The following PARP8 variants were observed in gnomAD, a reference collection of about 807,000 sequenced individuals.
PARP8 encodes protein mono-ADP-ribosyltransferase PARP8.
Under a neutral mutation model 124.1 loss-of-function variants are expected in PARP8, and 51 were observed. The observed-to-expected ratio is 0.41, with a 90% CI of 0.33 to 0.52. The LOEUF (loss-of-function observed/expected upper bound fraction) is 0.52. Among genes scored for constraint, PARP8 ranks in the 20% least tolerant of loss-of-function variants. The probability of loss-of-function intolerance (pLI) is 0.21; values close to 1 mark genes in which losing one functional copy is unlikely to be tolerated. For synonymous variants in PARP8, 391 were observed against 361.5 expected, an observed-to-expected ratio of 1.08 and a Z score of -0.93; for missense variants, 860 against 1,018.9, an observed-to-expected ratio of 0.84 and a Z score of 2.12.
intron 2 of PARP8, among the ~76,000 whole-genome samples, chr5:50,687,112 C>T (rs979026615): frequency 6.6e-6 from 1 of 152,146 alleles, no homozygotes; most frequent in Non-Finnish European, 1.5e-5. Flanking sequence ...CTTTTATGCT[C>T]TGCTTCCCTT....
At chr5:50,798,577 C>T (rs538592165) in intron 14 of PARP8, among the ~76,000 whole-genome samples, 43 of 151,996 alleles carry the variant, frequency 2.8e-4, no homozygotes, top group African/African-American at 9.4e-4. Context: ...CCCGCCACCA[C>T]GCCCGGCTGA....
intron 14 of PARP8, among the ~76,000 whole-genome samples, chr5:50,802,005 C>G (rs1371549337): frequency 6.6e-6 from 1 of 152,128 alleles, no homozygotes; most frequent in Non-Finnish European, 1.5e-5. Context: ...GTCTTTAAAA[C>G]TAAAGTGAAT....
intron 4 of PARP8, 42 bp from the exon 5 acceptor site, chr5:50,760,250 A>G: frequency 1.4e-6 from 2 of 1,397,778 alleles, no homozygotes; most frequent in Admixed American, 2.4e-5. Context: ...TAAATAGCAT[A>G]CTAAGTATCA....
Position 50,795,066 on chromosome 5 carries a change from G to C in PARP8, c.1077G>C (p.Ser359=). ...RAEQAMTAIK[S]HKLLNRPCPA... Reference sequence around the variant, plus strand: ...AGCAGGCTATGACAGCAATTAAATCGCACAAACTTTTGAACCGTCCTTGCC... The same window carrying C: ...AGCAGGCTATGACAGCAATTAAATCCCACAAACTTTTGAACCGTCCTTGCC... Residue 359 remains serine (S), a synonymous_variant, in exon 12 of 26, where the codon TCG becomes TCC. Transcript: ENST00000281631. 6.2e-7 allele frequency: 1 copy of C among 1,614,130 alleles called. No individual in the cohort carries two copies. Among genetic ancestry groups the C allele is most frequent in the Non-Finnish European group, 8.5e-7 (1 of 1,180,034 alleles).
At chr5:50,754,647 T>C (rs1421523867) in intron 3 of PARP8, among the ~76,000 whole-genome samples, 1 of 152,224 alleles carries the variant, frequency 6.6e-6, no homozygotes, top group Non-Finnish European at 1.5e-5. Context: ...TAAACGTACG[T>C]ATGCATGTGT....
At chr5:50,813,257 C>T (rs978060957) in intron 14 of PARP8, among the ~76,000 whole-genome samples, 26 of 152,148 alleles carry the variant, frequency 1.7e-4, no homozygotes, top group Non-Finnish European at 3.5e-4. Flanking sequence ...TTTGTATCCT[C>T]TTTTATTTCG....
chr5:50,803,656 T>G (rs1461400537), intron 14 of PARP8, among the ~76,000 whole-genome samples: 1 of 152,188 alleles, frequency 6.6e-6, no homozygotes, highest in Non-Finnish European at 1.5e-5. Context: ...AGTTTATTTT[T>G]ATAAATTCTA....
chr5:50,745,223 A>G (rs1298696655), intron 2 of PARP8, among the ~76,000 whole-genome samples: 1 of 152,236 alleles, frequency 6.6e-6, no homozygotes, highest in African/African-American at 2.4e-5. Flanking sequence ...TGAGGACAAT[A>G]CGACCATAAA....
chr5:50,825,605 C>T (rs1398313909), intron 18 of PARP8, among the ~76,000 whole-genome samples: 1 of 152,134 alleles, frequency 6.6e-6, no homozygotes, highest in Admixed American at 6.5e-5. Context: ...CTAATAATTT[C>T]CTCTCTTGTT....
At chr5:50,815,709 G>A (rs371335719) in intron 15 of PARP8, among the ~76,000 whole-genome samples, 185 bp downstream of exon 15, 13 of 152,052 alleles carry the variant, frequency 8.5e-5, no homozygotes, top group African/African-American at 2.9e-4. Flanking sequence ...TGTGTGTTTC[G>A]TTATTTTGTG....
At chr5:50,676,853 T>TAAA (rs1554041009) in intron 2 of PARP8, among the ~76,000 whole-genome samples, 11 of 152,322 alleles carry the variant, frequency 7.2e-5, no homozygotes, top group African/African-American at 2.6e-4. Flanking sequence ...AACCCCTTTT[T>TAAA]TAAGGCAATG....
intron 21 of PARP8, among the ~76,000 whole-genome samples, chr5:50,829,265 G>T (rs1746684828): frequency 6.6e-6 from 1 of 151,960 alleles, no homozygotes; most frequent in Non-Finnish European, 1.5e-5. Flanking sequence ...ACAGCATAAG[G>T]ACATAAGGAA....
chr5:50,744,361 G>C lies in PARP8; in HGVS notation c.147-5790G>C, dbSNP rs146501952. On this transcript the variant is annotated intron_variant, in intron 2 of 25. Coordinates refer to ENST00000281631, the MANE Select transcript of PARP8 (RefSeq NM_024615.4). The stretch of plus-strand genomic sequence containing the variant: ...AGATACAAGAATGACCTTATTAAAT[G>C]GTTCCAGTTATAGGAGTAAACAAAT... Among the ~76,000 whole-genome samples the C allele has an allele frequency of 1.8e-4, 27 of 152,218 alleles. 1 individual carries two copies. The East Asian group carries it at 4.1e-3, about 23-fold the overall frequency.
In PARP8 at chr5:50,845,247, T is replaced by C. The variant is rs1391542297; in HGVS notation, c.*3179T>C. 3 of 151,780 alleles carry C rather than the reference T, an allele frequency of 2.0e-5. No individual in the cohort carries two copies. The highest frequency in any genetic ancestry group is 4.4e-5 in the Non-Finnish European group (3 of 67,802). 9.4% of individuals were successfully genotyped at this position (151,780 alleles called of 1,614,324 possible). On this transcript the variant is annotated 3_prime_UTR_variant, in exon 26 of 26. Transcript: ENST00000281631. ...TACTTTGTATAATAAAAATATTTTT[T>C]AAACTATAACTTGCCTTAGAGCATG...
intron 2 of PARP8, among the ~76,000 whole-genome samples, chr5:50,685,473 T>A (rs546485306): frequency 6.6e-6 from 1 of 152,334 alleles, no homozygotes; most frequent in African/African-American, 2.4e-5. Flanking sequence ...GGAACATCCT[T>A]TCAGAAGCTG....
At chr5:50,834,825 T>A (rs1470126742) in intron 24 of PARP8, 106 bp from the exon 25 acceptor site, 2 of 914,860 alleles carry the variant, frequency 2.2e-6, no homozygotes, top group South Asian at 1.4e-5. Flanking sequence ...TCATTAGTGC[T>A]TGTATTTTTG....
At chr5:50,732,598 T>C (rs1022566069) in intron 2 of PARP8, among the ~76,000 whole-genome samples, 30 of 152,114 alleles carry the variant, frequency 2.0e-4, no homozygotes, top group African/African-American at 7.2e-4. Context: ...TAGCTTTGAC[T>C]CAGCAGATTG....
intron 7 of PARP8, among the ~76,000 whole-genome samples, chr5:50,773,208 T>C (rs1202259858): frequency 2.0e-5 from 3 of 152,242 alleles, no homozygotes; most frequent in African/African-American, 7.2e-5. Context: ...TTTTTGCTTT[T>C]GTTATTAGTG....
intron 3 of PARP8, among the ~76,000 whole-genome samples, chr5:50,757,670 A>G (rs1304752925): frequency 1.3e-5 from 2 of 152,176 alleles, no homozygotes; most frequent in African/African-American, 4.8e-5. Context: ...TAGTCACCAA[A>G]TTATATTCTC....
Sources: allele counts gnomAD v4.1 joint callset (sites outside exome capture counted in the v4.1 genomes callset), GRCh38; gene constraint gnomAD v4.1.1; transcripts MANE v1.5; gene names NCBI Gene and HGNC (gene_info 2026-07-23, HGNC 2026-07-21).